Variants in EPB41L3 observed in about 807,000 individuals in gnomAD.
EPB41L3 encodes erythrocyte membrane protein band 4.1 like 3.
EPB41L3 carries 57 observed loss-of-function variants against 127.1 expected under a neutral mutation model. The ratio of observed to expected loss-of-function variants is 0.45; its 90% CI spans 0.36 to 0.56. The LOEUF is 0.56. Among genes scored for constraint, EPB41L3 ranks in the 20% least tolerant of loss-of-function variants. The pLI, the probability that EPB41L3 is intolerant of heterozygous loss-of-function variation, is 0.00. For synonymous variants in EPB41L3, 572 were observed against 549.5 expected, an observed-to-expected ratio of 1.04 and a Z score of -0.57; for missense variants, 1,273 against 1,372.2, an observed-to-expected ratio of 0.93 and a Z score of 1.14.
intron 3 of EPB41L3, among the ~76,000 whole-genome samples, chr18:5,608,154 C>T (rs2094683466): frequency 6.6e-6 from 1 of 151,920 alleles, no homozygotes; most frequent in African/African-American, 2.4e-5. Context: ...TAATTGAGTG[C>T]CTGGTGGAGA....
At chr18:5,490,684 C>T (rs562097977) in intron 1 of EPB41L3, among the ~76,000 whole-genome samples, 43 of 152,192 alleles carry the variant, frequency 2.8e-4, no homozygotes, top group South Asian at 1.0e-3. Context: ...TTTAGATTTT[C>T]GAGCAAATCT....
At chr18:5,552,538 T>A (rs141264916) in intron 3 of EPB41L3, among the ~76,000 whole-genome samples, 1 of 152,184 alleles carries the variant, frequency 6.6e-6, no homozygotes, top group Non-Finnish European at 1.5e-5. Context: ...GGAAATTGTG[T>A]CTAAGTGACT....
chr18:5,606,642 T>C (rs2094656484), intron 3 of EPB41L3, among the ~76,000 whole-genome samples: 1 of 152,196 alleles, frequency 6.6e-6, no homozygotes, highest in Non-Finnish European at 1.5e-5. Context: ...GCATCATTAA[T>C]ACAATATAAA....
chr18:5,425,130 C>T (rs948416753), intron 9 of EPB41L3, among the ~76,000 whole-genome samples: 1 of 152,124 alleles, frequency 6.6e-6, no homozygotes, highest in African/African-American at 2.4e-5. Context: ...TCATCTTAAA[C>T]AGTAAAGGCT....
chr18:5,540,501 C>CT, intron 1 of EPB41L3: 1 of 985,460 alleles, frequency 1.0e-6, no homozygotes, highest in Non-Finnish European at 1.2e-6. Context: ...GACTTCACTG[C>CT]TCCAGTCCTT....
intron 1 of EPB41L3, among the ~76,000 whole-genome samples, chr18:5,512,079 C>T (rs960305093): frequency 6.6e-6 from 1 of 152,174 alleles, no homozygotes; most frequent in Non-Finnish European, 1.5e-5. Context: ...GACAATTAGA[C>T]TGGATCAGAC....
At chr18:5,521,401 A>C (rs2148816393) in intron 1 of EPB41L3, 1 of 152,288 alleles carries the variant, frequency 6.6e-6, no homozygotes, top group South Asian at 2.1e-4. Context: ...TTAACCCCCA[A>C]CATTATCTAG....
At chr18:5,398,781 C>G (rs988279587) in intron 16 of EPB41L3, 1 of 399,338 alleles carries the variant, frequency 2.5e-6, no homozygotes, top group African/African-American at 2.1e-5. Context: ...TAAGACCTCA[C>G]TCTCGGGCAC....
intron 3 of EPB41L3, among the ~76,000 whole-genome samples, chr18:5,591,614 T>C (rs1423196702): frequency 6.6e-6 from 1 of 152,196 alleles, no homozygotes; most frequent in Non-Finnish European, 1.5e-5. Flanking sequence ...AGATATTTTC[T>C]TGGAGGAAGA....
rs143340033 is a variant in EPB41L3 at position 5,591,601 on chromosome 18, G to A, written c.-306+20739C>T. Among the ~76,000 whole-genome samples the A allele has an allele frequency of 8.7e-3, 1,320 of 152,164 alleles. 7 individuals are homozygous for A. The highest frequency in any genetic ancestry group is 0.017 in the Admixed American group (260 of 15,274). ...ATACAAACATTCAGATTCTAGCAAG[G>A]GAAGATATTTTCTTGGAGGAAGAAA... On this transcript the variant is annotated intron_variant, in intron 3 of 21. Transcript: ENST00000545076.
chr18:5,537,071 G>A lies in EPB41L3; in HGVS notation c.-12+6842C>T, dbSNP rs539007405. ...TAAGCATTATGCCCATTTTATAAAC[G>A]AGCAAACAGGCTCTAGGAAGTTAAA... On this transcript the variant is annotated intron_variant, in intron 1 of 22. Transcript: ENST00000341928. Among the ~76,000 whole-genome samples, 14 of 152,108 alleles carry A rather than the reference G, an allele frequency of 9.2e-5. No homozygotes were observed. The South Asian group carries it at 2.1e-3, about 23-fold the overall frequency.
chr18:5,463,431 G>C (rs4798360), intron 3 of EPB41L3, among the ~76,000 whole-genome samples: 36,942 of 152,066 alleles, frequency 0.24, 5,647 homozygotes, highest in Admixed American at 0.36. Context: ...GGAGGGCACA[G>C]CTGACCTTAA....
In EPB41L3 at chr18:5,413,549, T is replaced by C. The variant is rs369716432; in HGVS notation, c.2067+2269A>G. On this transcript the variant is annotated intron_variant, in intron 13 of 22. Coordinates refer to ENST00000341928, the MANE Select transcript of EPB41L3 (RefSeq NM_012307.5). ...CAAGGCTGAATTGTATGTTAAGAAGTCACTCAGTGTAGCTGCCACAGTGCT... is the reference window on the plus strand; with the variant it reads ...CAAGGCTGAATTGTATGTTAAGAAGCCACTCAGTGTAGCTGCCACAGTGCT... Among the ~76,000 whole-genome samples, 3 of 152,312 alleles carry C rather than the reference T, an allele frequency of 2.0e-5. No homozygotes were observed. In the East Asian group the frequency reaches 5.8e-4, roughly 29 times the overall value.
intron 3 of EPB41L3, among the ~76,000 whole-genome samples, chr18:5,561,906 A>C (rs1280328644): frequency 6.6e-6 from 1 of 152,196 alleles, no homozygotes; most frequent in Non-Finnish European, 1.5e-5. Context: ...CCTCAATCTA[A>C]CCATGGGGAA....
chr18:5,437,945 AC>A (rs1210341184), intron 6 of EPB41L3, 89 bp downstream of exon 6: 1 of 1,132,136 alleles, frequency 8.8e-7, no homozygotes, highest in African/African-American at 1.8e-5. Flanking sequence ...TTGTAAGGCT[AC>A]CAGATGTAAG....
intron 1 of EPB41L3, among the ~76,000 whole-genome samples, chr18:5,527,375 A>C (rs1422142343): frequency 6.6e-6 from 1 of 152,220 alleles, no homozygotes; most frequent in Non-Finnish European, 1.5e-5. Context: ...ATCTTAATAA[A>C]ACCATACCTG....
At chr18:5,574,750 A>C (rs1388502870) in intron 3 of EPB41L3, among the ~76,000 whole-genome samples, 1 of 152,212 alleles carries the variant, frequency 6.6e-6, no homozygotes, top group African/African-American at 2.4e-5. Flanking sequence ...AGAATTAAGC[A>C]TATCCCTTAT....
upstream of EPB41L3, among the ~76,000 whole-genome samples, chr18:5,546,425 GGAGGCT>G (rs2093882777): frequency 6.6e-6 from 1 of 152,042 alleles, no homozygotes; most frequent in African/African-American, 2.4e-5. Context: ...CAGCTACTCA[GGAGGCT>G]GAGGCAGAGA....
intron 3 of EPB41L3, among the ~76,000 whole-genome samples, chr18:5,457,467 G>A (rs1239979778): frequency 6.6e-6 from 1 of 151,934 alleles, no homozygotes; most frequent in Non-Finnish European, 1.5e-5. Context: ...ACAGTAGGCA[G>A]TGAAGTGAAA....
Sources: allele counts gnomAD v4.1 joint callset (sites outside exome capture counted in the v4.1 genomes callset), GRCh38; gene constraint gnomAD v4.1.1; transcripts MANE v1.5; gene names NCBI Gene and HGNC (gene_info 2026-07-23, HGNC 2026-07-21).